Variants in SGPP2 observed in about 807,000 individuals in gnomAD.
The protein encoded by SGPP2 is sphingosine-1-phosphate phosphatase 2.
SGPP2 carries 30 observed loss-of-function variants against 33.9 expected under a neutral mutation model. That is an observed-to-expected ratio of 0.89 (90% confidence interval 0.66 to 1.20). The LOEUF is 1.20. SGPP2 is among the 50% of genes most tolerant of loss of function. The pLI is 0.00. For missense variants in SGPP2, 458 were observed against 532.1 expected, an observed-to-expected ratio of 0.86 and a Z score of 1.37; for synonymous variants, 233 against 225.0, an observed-to-expected ratio of 1.04 and a Z score of -0.32.
chr2:222,526,846 C>T (rs1698765599), intron 4 of SGPP2, among the ~76,000 whole-genome samples: 1 of 152,152 alleles, frequency 6.6e-6, no homozygotes, highest in Admixed American at 6.5e-5. Context: ...GGGAACAACA[C>T]ACACCATGGC....
chr2:222,558,176 T>A (rs2106160385), intron 4 of SGPP2, among the ~76,000 whole-genome samples, 171 bp from the exon 5 acceptor site: 1 of 152,336 alleles, frequency 6.6e-6, no homozygotes, highest in Admixed American at 6.5e-5. Context: ...TTTTTTCGTA[T>A]TTTCACTTCA....
At chr2:222,539,481 G>A (rs564825820) in intron 4 of SGPP2, among the ~76,000 whole-genome samples, 1 of 152,308 alleles carries the variant, frequency 6.6e-6, no homozygotes, top group African/African-American at 2.4e-5. Context: ...GCTATACTCA[G>A]TGTCCGGCAC....
At chr2:222,530,839 C>T (rs995106395) in intron 4 of SGPP2, among the ~76,000 whole-genome samples, 2 of 152,138 alleles carry the variant, frequency 1.3e-5, no homozygotes, top group Non-Finnish European at 2.9e-5. Context: ...GAAATGCCTT[C>T]CTCACTAAGG....
rs1324627344 is a variant in SGPP2 at position 222,477,914 on chromosome 2, G to T, written c.378+3188G>T. ...ATAGAGTGAGGCAAATAAAATCTTT[G>T]CCCAAGAAAGGAAGAAATAACCTCT... On this transcript the variant is annotated intron_variant, in intron 2 of 4. Transcript: ENST00000321276. This position sits in a 1 kb window ranked among gnomAD's most constrained non-coding sequence, Gnocchi z 6.0. Among the ~76,000 whole-genome samples, 1 of 152,084 alleles carries T rather than the reference G, an allele frequency of 6.6e-6. No homozygotes were observed. Among genetic ancestry groups the T allele is most frequent in the Non-Finnish European group, 1.5e-5 (1 of 68,012 alleles).
intron 1 of SGPP2, among the ~76,000 whole-genome samples, chr2:222,471,644 A>G (rs1697844477): frequency 1.3e-5 from 2 of 152,252 alleles, no homozygotes; most frequent in South Asian, 4.1e-4. Context: ...AAATACATAA[A>G]CAAATGTAAC....
chr2:222,432,206 G>T (rs909905242), intron 1 of SGPP2, among the ~76,000 whole-genome samples: 1 of 152,168 alleles, frequency 6.6e-6, no homozygotes, highest in Non-Finnish European at 1.5e-5. Flanking sequence ...AGTATGGAGG[G>T]AGCCCAGTGG....
At chr2:222,485,648 T>TAA (rs1698094931) in intron 2 of SGPP2, among the ~76,000 whole-genome samples, 1 of 151,934 alleles carries the variant, frequency 6.6e-6, no homozygotes, top group Non-Finnish European at 1.5e-5. Context: ...CTAAGGGGAC[T>TAA]GGGTATTTTT....
chr2:222,430,894 G>A (rs1377753556), intron 1 of SGPP2, among the ~76,000 whole-genome samples: 8 of 152,050 alleles, frequency 5.3e-5, no homozygotes, highest in Admixed American at 5.2e-4. Flanking sequence ...CAGAAACAAG[G>A]AAATTCTGAG....
rs538440685 is a variant in SGPP2, at chr2:222,445,881, G to A, written c.219+21060G>A. 7.2e-5 allele frequency among the ~76,000 whole-genome samples: 11 copies of A among 152,340 alleles called. No homozygotes were observed. The East Asian group carries it at 2.1e-3, about 29-fold the overall frequency. ...AGGAGCTTCCTGCTTGGCCTAGGCTGAAGAGAAAGGCTACAGTGGGCTTTG... is the reference window on the plus strand; with the variant it reads ...AGGAGCTTCCTGCTTGGCCTAGGCTAAAGAGAAAGGCTACAGTGGGCTTTG... On this transcript the variant is annotated intron_variant, in intron 1 of 4. Coordinates refer to ENST00000321276, the MANE Select transcript of SGPP2 (RefSeq NM_152386.4).
chr2:222,529,439 A>G (rs1470925449), intron 4 of SGPP2, among the ~76,000 whole-genome samples: 1 of 152,094 alleles, frequency 6.6e-6, no homozygotes, highest in Non-Finnish European at 1.5e-5. Flanking sequence ...GGTTCAAGCC[A>G]TTGTTCTGCC....
intron 4 of SGPP2, among the ~76,000 whole-genome samples, chr2:222,530,552 CTT>C (rs1412168785): frequency 6.6e-6 from 1 of 152,184 alleles, no homozygotes; most frequent in African/African-American, 2.4e-5. Flanking sequence ...TAGTGTCAGA[CTT>C]TTTTTCTGCA....
intron 1 of SGPP2, among the ~76,000 whole-genome samples, chr2:222,454,911 C>T (rs1697548925): frequency 6.6e-6 from 1 of 152,116 alleles, no homozygotes; most frequent in Admixed American, 6.6e-5. Context: ...TTTTATTTCT[C>T]TGTCTCTTCA....
At position 222,476,778 on chromosome 2, in the gene SGPP2, A is replaced by G. The variant is rs953468671; in HGVS notation, c.378+2052A>G. ...TGTATATAGGTGTGTATATATGCGT[A>G]TGTGTGTATACAGGTGTGTGTATAT... On this transcript the variant is annotated intron_variant, in intron 2 of 4. Transcript: ENST00000321276. The surrounding 1 kb of genome is among the most constrained non-coding windows in gnomAD (Gnocchi z 4.3). Among the ~76,000 whole-genome samples, 3 of 151,486 alleles carry G rather than the reference A, an allele frequency of 2.0e-5. No homozygotes were observed. The highest frequency in any genetic ancestry group is 2.9e-5 in the Non-Finnish European group (2 of 67,826).
At chr2:222,456,203 G>A (rs1181424144) in intron 1 of SGPP2, among the ~76,000 whole-genome samples, 2 of 152,198 alleles carry the variant, frequency 1.3e-5, no homozygotes, top group Admixed American at 1.3e-4. Flanking sequence ...AAATGTGATG[G>A]TATAGGAAAT....
chr2:222,543,982 A>G (rs891256820), intron 4 of SGPP2, among the ~76,000 whole-genome samples: 3 of 152,174 alleles, frequency 2.0e-5, no homozygotes, highest in Admixed American at 2.0e-4. Flanking sequence ...CCCTCTATTT[A>G]GGTCTTTAGT....
At chr2:222,527,040 G>C (rs536919930) in intron 4 of SGPP2, among the ~76,000 whole-genome samples, 81 of 152,290 alleles carry the variant, frequency 5.3e-4, no homozygotes, top group Non-Finnish European at 7.2e-4. Context: ...ATGAAAGTAA[G>C]CACGAGCATG....
At chr2:222,437,955 G>C (rs1260018259) in intron 1 of SGPP2, among the ~76,000 whole-genome samples, 1 of 152,222 alleles carries the variant, frequency 6.6e-6, no homozygotes, top group Non-Finnish European at 1.5e-5. Context: ...CATTGGATCT[G>C]CTGGGTCATA....
At chr2:222,520,613 C>T (rs192195775) in intron 2 of SGPP2, among the ~76,000 whole-genome samples, 23 of 151,808 alleles carry the variant, frequency 1.5e-4, no homozygotes, top group African/African-American at 4.6e-4. Flanking sequence ...GTCTGTAATC[C>T]CAGCTAGTCA....
chr2:222,456,437 A>G (rs1697575855), intron 1 of SGPP2, among the ~76,000 whole-genome samples: 1 of 152,234 alleles, frequency 6.6e-6, no homozygotes, highest in Non-Finnish European at 1.5e-5. Context: ...TTAAATTTAA[A>G]TAGCCACATA....
Sources: allele counts gnomAD v4.1 joint callset (sites outside exome capture counted in the v4.1 genomes callset), GRCh38; gene constraint gnomAD v4.1.1; non-coding constraint Gnocchi (gnomAD v3.1); transcripts MANE v1.5; gene names NCBI Gene and HGNC (gene_info 2026-07-23, HGNC 2026-07-21).